Variants in FOXP1 observed in about 807,000 individuals in gnomAD.
FOXP1 encodes the protein forkhead box P1.
FOXP1 carries 15 observed loss-of-function variants against 98.2 expected under a neutral mutation model. The observed-to-expected ratio is 0.15, with a 90% CI of 0.10 to 0.24. The LOEUF (loss-of-function observed/expected upper bound fraction) is 0.24, where lower values mean the gene tolerates loss of function less well. Ranked by LOEUF, FOXP1 falls within the 10% of genes least tolerant of loss-of-function variation. The pLI, the probability that FOXP1 is intolerant of heterozygous loss-of-function variation, is 1.00. For missense variants in FOXP1, 633 were observed against 848.5 expected (o/e 0.75, Z 3.15); for synonymous variants, 371 against 314.5 (o/e 1.18, Z -1.90).
chr3:71,432,869 A>T lies in FOXP1; in HGVS notation c.-168+60557T>A, dbSNP rs1185359984. On this transcript the variant is annotated intron_variant, in intron 3 of 20. Coordinates refer to ENST00000649528, the MANE Select transcript of FOXP1 (RefSeq NM_001349338.3). ...GTTAAAAAAAAAAAAAAAAAAAATTAAAAAAAAAAGCCCCATGATTTGGCT... is the reference window on the plus strand; with the variant it reads ...GTTAAAAAAAAAAAAAAAAAAAATTTAAAAAAAAAGCCCCATGATTTGGCT... Among the ~76,000 whole-genome samples the T allele has an allele frequency of 1.7e-4, 25 of 147,420 alleles. No homozygotes were observed. The South Asian group carries it at 4.7e-3, about 28-fold the overall frequency.
chr3:71,154,670 A>G (rs754736816), intron 6 of FOXP1, among the ~76,000 whole-genome samples: 6 of 152,190 alleles, frequency 3.9e-5, no homozygotes, highest in African/African-American at 1.4e-4. Context: ...TGGGCAAGTC[A>G]CCTAACCTTG....
intron 2 of FOXP1, among the ~76,000 whole-genome samples, chr3:71,517,836 T>C (rs2042694012): frequency 6.6e-6 from 1 of 152,238 alleles, no homozygotes; most frequent in African/African-American, 2.4e-5. Flanking sequence ...TACAACTAAC[T>C]AGGTAATGTC....
chr3:71,448,988 A>T (rs758149979), intron 3 of FOXP1, among the ~76,000 whole-genome samples: 46 of 152,206 alleles, frequency 3.0e-4, no homozygotes, highest in Non-Finnish European at 5.7e-4. Context: ...TCAAAGAACA[A>T]AATGCGTGTT....
chr3:71,438,148 G>A (rs376858202), intron 3 of FOXP1, among the ~76,000 whole-genome samples: 2 of 152,148 alleles, frequency 1.3e-5, no homozygotes, highest in East Asian at 1.9e-4. Context: ...GTTCAGTTAC[G>A]CACAGGAATT....
At chr3:71,032,257 C>T (rs1340786671) in intron 11 of FOXP1, among the ~76,000 whole-genome samples, 1 of 152,246 alleles carries the variant, frequency 6.6e-6, no homozygotes, top group African/African-American at 2.4e-5. Flanking sequence ...TTAACACCAC[C>T]TGGGCTGTGG....
chr3:71,475,375 C>T (rs34139426), intron 3 of FOXP1, among the ~76,000 whole-genome samples: 4,093 of 152,162 alleles, frequency 0.027, 100 homozygotes, highest in Middle Eastern at 0.048. Context: ...CTCAAATATT[C>T]CCACCAAAAT....
intron 4 of FOXP1, chr3:71,304,654 C>A (rs1363146155): frequency 6.6e-6 from 1 of 152,098 alleles, no homozygotes; most frequent in African/African-American, 2.4e-5. Flanking sequence ...CCCTTAAAAA[C>A]CAAGTATAAA....
chr3:71,344,898 A>G (rs2077231664), intron 4 of FOXP1, among the ~76,000 whole-genome samples: 1 of 152,222 alleles, frequency 6.6e-6, no homozygotes, highest in Admixed American at 6.5e-5. Context: ...GGCATCTTAA[A>G]TGAAATGATT....
rs140113921 is a variant in FOXP1 at position 71,248,238 on chromosome 3, T to C, written c.-11-49846A>G. ...CTACTCTACAATATATGTTAGCCTT[T>C]ATGGGAAAGCAAACCAACTAAGCAC... On this transcript the variant is annotated intron_variant, in intron 5 of 20. Transcript: ENST00000649528. Among the ~76,000 whole-genome samples the C allele has an allele frequency of 2.1e-4, 32 of 152,322 alleles. No individual in the cohort carries two copies. The East Asian group carries it at 5.2e-3, about 25-fold the overall frequency.
chr3:71,353,966 T>G (rs985632354), intron 4 of FOXP1, among the ~76,000 whole-genome samples: 13 of 152,118 alleles, frequency 8.5e-5, no homozygotes, highest in Admixed American at 2.0e-4. Flanking sequence ...AGAGAAGTGA[T>G]GTGAATTTTC....
intron 7 of FOXP1, among the ~76,000 whole-genome samples, chr3:71,066,408 G>A (rs755428530): frequency 2.0e-5 from 3 of 152,266 alleles, no homozygotes; most frequent in Non-Finnish European, 2.9e-5. Flanking sequence ...TTATTAATGG[G>A]ATTTTTTCAG....
At chr3:71,459,964 C>T (rs1206013082) in intron 3 of FOXP1, among the ~76,000 whole-genome samples, 1 of 149,172 alleles carries the variant, frequency 6.7e-6, no homozygotes, top group Admixed American at 6.7e-5. Flanking sequence ...GATGGAGTCT[C>T]ACTCTGTCAC....
In FOXP1 at chr3:70,956,602, C is replaced by G. The variant is rs2031850593; in HGVS notation, c.*2645G>C. The G allele has an allele frequency of 4.3e-6, 1 of 230,010 alleles. No individual in the cohort carries two copies. Among genetic ancestry groups the G allele is most frequent in the Non-Finnish European group, 8.6e-6 (1 of 116,096 alleles). The allele number at this position is 230,010 out of a possible 1,614,324, so 14.2% of individuals were successfully genotyped here. A position where few individuals can be genotyped will look rare whatever the true frequency, so the allele number is the denominator to read the frequency against. On this transcript the variant is annotated 3_prime_UTR_variant, in exon 21 of 21. Transcript: ENST00000649528. ...TCTAGCTACACATGCTGAGAATGAA[C>G]TAATCTACCAGATTTTTATCCTCTT...
chr3:71,225,000 C>T (rs186719828), intron 5 of FOXP1, among the ~76,000 whole-genome samples: 476 of 152,250 alleles, frequency 3.1e-3, no homozygotes, highest in Non-Finnish European at 3.9e-3. Context: ...TATACATGAC[C>T]TATACAATAC....
chr3:71,396,666 CA>C (rs1275436035), intron 3 of FOXP1, among the ~76,000 whole-genome samples: 3 of 151,338 alleles, frequency 2.0e-5, no homozygotes, highest in African/African-American at 7.3e-5. Flanking sequence ...GGGCCCGTGG[CA>C]TAATGAACAC....
intron 3 of FOXP1, among the ~76,000 whole-genome samples, chr3:71,473,740 A>AG (rs1220586552): frequency 2.6e-5 from 4 of 152,164 alleles, no homozygotes; most frequent in African/African-American, 9.7e-5. Flanking sequence ...GGGAGTTAGA[A>AG]GGGGGTTGAT....
At chr3:71,380,881 G>C (rs1472098353) in intron 3 of FOXP1, among the ~76,000 whole-genome samples, 1 of 151,878 alleles carries the variant, frequency 6.6e-6, no homozygotes. Flanking sequence ...CGCTATCGTA[G>C]TAGTGTTAAA....
chr3:71,459,127 G>T (rs999238566), intron 3 of FOXP1, among the ~76,000 whole-genome samples: 3 of 152,158 alleles, frequency 2.0e-5, no homozygotes, highest in Non-Finnish European at 2.9e-5. Context: ...TCAAATGACA[G>T]ATTTGATTCT....
chr3:71,117,574 A>C (rs181842607), intron 6 of FOXP1, among the ~76,000 whole-genome samples: 1 of 152,250 alleles, frequency 6.6e-6, no homozygotes, highest in East Asian at 1.9e-4. Context: ...AGGGTGAAAA[A>C]GGAAGAAGGA....
Sources: gnomAD v4.1 joint callset for allele counts (sites outside exome capture counted in the v4.1 genomes callset) on GRCh38, gnomAD v4.1.1 for gene constraint, MANE v1.5 for transcripts, NCBI Gene and HGNC (gene_info 2026-07-23, HGNC 2026-07-21) for gene names.